Variants in NLGN1 observed in about 807,000 individuals in gnomAD.
The protein encoded by NLGN1 is neuroligin-1.
Under a neutral mutation model 65.5 loss-of-function variants are expected in NLGN1, and 12 were observed. The observed-to-expected ratio is 0.18, with a 90% CI of 0.12 to 0.30. The LOEUF is 0.30. Ranked by LOEUF, NLGN1 falls within the 10% of genes least tolerant of loss-of-function variation. The probability of loss-of-function intolerance (pLI) is 1.00; values close to 1 mark genes in which losing one functional copy is unlikely to be tolerated. For missense variants in NLGN1, 750 were observed against 1,007.1 expected (o/e 0.74, Z 3.46); for synonymous variants, 350 against 359.5 (o/e 0.97, Z 0.30).
chr3:173,776,648 G>T (rs1780337539), intron 3 of NLGN1, among the ~76,000 whole-genome samples: 1 of 151,844 alleles, frequency 6.6e-6, no homozygotes, highest in South Asian at 2.1e-4. Context: ...ACTACTTCCT[G>T]ATGTAAATTG....
intron 4 of NLGN1, among the ~76,000 whole-genome samples, chr3:174,175,496 C>A (rs73035659): frequency 0.015 from 2,287 of 151,722 alleles, 58 homozygotes; most frequent in African/African-American, 0.052. Context: ...ATCTTTTTCC[C>A]TCCGTTTATT....
intron 4 of NLGN1, among the ~76,000 whole-genome samples, chr3:174,228,814 G>T (rs962666118): frequency 2.6e-5 from 4 of 151,972 alleles, no homozygotes; most frequent in African/African-American, 9.7e-5. Flanking sequence ...TTAGGTTTCT[G>T]TGGGAACCAA....
chr3:173,527,002 G>C (rs1463222577), intron 2 of NLGN1, among the ~76,000 whole-genome samples: 1 of 152,128 alleles, frequency 6.6e-6, no homozygotes, highest in Non-Finnish European at 1.5e-5. Context: ...TCTCCTAATG[G>C]ACACTTAGGT....
intron 2 of NLGN1, among the ~76,000 whole-genome samples, chr3:173,438,044 T>G (rs1349136752): frequency 6.6e-6 from 1 of 152,124 alleles, no homozygotes; most frequent in Non-Finnish European, 1.5e-5. Flanking sequence ...CATTGCAGAT[T>G]TATTATCAAG....
chr3:173,852,614 C>T (rs1445957769), intron 4 of NLGN1, among the ~76,000 whole-genome samples: 1 of 152,050 alleles, frequency 6.6e-6, no homozygotes, highest in African/African-American at 2.4e-5. Context: ...GTTAGTAATA[C>T]GTTTATATTT....
At chr3:174,032,222 G>A (rs1020956136) in intron 4 of NLGN1, among the ~76,000 whole-genome samples, 2 of 152,152 alleles carry the variant, frequency 1.3e-5, no homozygotes, top group African/African-American at 4.8e-5. Context: ...TTCAGTAACA[G>A]AGAATTCAGC....
At chr3:173,462,406 T>C (rs776037047) in intron 2 of NLGN1, among the ~76,000 whole-genome samples, 3 of 147,540 alleles carry the variant, frequency 2.0e-5, no homozygotes, top group Non-Finnish European at 4.5e-5. Context: ...CTCCATTAGA[T>C]TTTACTACCC....
intron 3 of NLGN1, among the ~76,000 whole-genome samples, chr3:173,678,719 G>C (rs921183369): frequency 1.1e-4 from 17 of 152,064 alleles, no homozygotes; most frequent in Non-Finnish European, 1.5e-5. Context: ...GATGTGGTCA[G>C]ATATGAATTT....
chr3:173,975,617 A>G (rs1324077285), intron 4 of NLGN1, among the ~76,000 whole-genome samples: 1 of 152,026 alleles, frequency 6.6e-6, no homozygotes, highest in Non-Finnish European at 1.5e-5. Flanking sequence ...GGTATGTGAC[A>G]TTACCCAAGA....
At chr3:173,604,605 C>T (rs771781111) in exon 3 of NLGN1, 1 of 1,613,118 alleles carries the variant, frequency 6.2e-7, no homozygotes, top group Non-Finnish European at 8.5e-7. Context: ...GACCATGGCA[C>T]TGCCCAGATG....
intron 3 of NLGN1, among the ~76,000 whole-genome samples, chr3:173,630,293 A>C (rs967505679): frequency 6.6e-6 from 1 of 152,172 alleles, no homozygotes. Flanking sequence ...TGATCTATTT[A>C]TATAATGAAT....
intron 4 of NLGN1, among the ~76,000 whole-genome samples, chr3:174,259,335 C>G (rs1746398697): frequency 6.6e-6 from 1 of 152,062 alleles, no homozygotes; most frequent in Non-Finnish European, 1.5e-5. Flanking sequence ...CTTGCTACCT[C>G]TTTTATGATG....
chr3:173,870,176 T>G (rs2150862422), intron 4 of NLGN1, among the ~76,000 whole-genome samples: 1 of 152,340 alleles, frequency 6.6e-6, no homozygotes. Flanking sequence ...AATATACATG[T>G]TACCATTATC....
At chr3:173,733,781 T>G (rs1173113520) in intron 3 of NLGN1, among the ~76,000 whole-genome samples, 2 of 152,166 alleles carry the variant, frequency 1.3e-5, no homozygotes, top group African/African-American at 4.8e-5. Flanking sequence ...AATAAAATTA[T>G]GGCCTTTGAC....
At chr3:173,457,235 C>T (rs1489713581) in intron 2 of NLGN1, among the ~76,000 whole-genome samples, 1 of 151,920 alleles carries the variant, frequency 6.6e-6, no homozygotes, top group Non-Finnish European at 1.5e-5. Flanking sequence ...TATTAAATGA[C>T]ATTTGAGTTG....
At chr3:173,522,387 C>G (rs986706073) in intron 2 of NLGN1, among the ~76,000 whole-genome samples, 1 of 152,194 alleles carries the variant, frequency 6.6e-6, no homozygotes, top group Non-Finnish European at 1.5e-5. Flanking sequence ...GATTGGATCA[C>G]TTTACTCTTG....
chr3:173,614,528 A>T (rs1045016631), intron 3 of NLGN1, among the ~76,000 whole-genome samples: 1 of 152,018 alleles, frequency 6.6e-6, no homozygotes, highest in Non-Finnish European at 1.5e-5. Context: ...TTTCCTGACA[A>T]TGAGCAGGCC....
At chr3:174,065,345 G>A (rs1738288704) in intron 4 of NLGN1, among the ~76,000 whole-genome samples, 1 of 152,108 alleles carries the variant, frequency 6.6e-6, no homozygotes. Flanking sequence ...AAGGGAGAAA[G>A]AGGATGTATG....
chr3:174,286,719 G>A (rs1004114928), downstream of NLGN1: 2 of 151,546 alleles, frequency 1.3e-5, no homozygotes, highest in Non-Finnish European at 3.0e-5. Flanking sequence ...ACTAAGATAA[G>A]TGTTTTCTTA....
Sources: gnomAD v4.1 joint callset for allele counts (sites outside exome capture counted in the v4.1 genomes callset) on GRCh38, gnomAD v4.1.1 for gene constraint, MANE v1.5 for transcripts, NCBI Gene and HGNC (gene_info 2026-07-23, HGNC 2026-07-21) for gene names.